REV3L: variants seen among roughly 807,000 people sequenced by gnomAD.
REV3L encodes DNA polymerase zeta catalytic subunit.
Under a neutral mutation model 299.4 loss-of-function variants are expected in REV3L, and 69 were observed. The observed-to-expected ratio is 0.23, with a 90% confidence interval of 0.19 to 0.28. REV3L has a LOEUF of 0.28. Ranked by LOEUF, REV3L falls within the 10% of genes least tolerant of loss-of-function variation. REV3L has a pLI of 1.00. For missense variants in REV3L, 3,128 were observed against 3,693.8 expected (o/e 0.85, Z 3.97); for synonymous variants, 1,238 against 1,271.4 (o/e 0.97, Z 0.56).
Position 111,373,783 on chromosome 6 carries a change from C to T in REV3L, c.4572G>A (p.Gln1524=), listed in dbSNP as rs1441856530. ...VSTPSAFGEG[Q]SGLAVLKELL... ...ATTCTTTTAGAACTGCCAGTCCAGA[C>T]TGTCCTTCACCAAATGCTGAAGGTG... is the stretch of plus-strand genomic sequence containing the variant. The change falls in exon 13 of 32, where the codon CAG becomes CAA. Residue 1524 remains glutamine (Q), a synonymous_variant. Coordinates refer to ENST00000368802, the MANE Select transcript of REV3L (RefSeq NM_001372078.1). The T allele has an allele frequency of 1.2e-6, 2 of 1,614,008 alleles. No individual in the cohort carries two copies. The highest frequency in any genetic ancestry group is 4.5e-5 in the East Asian group (2 of 44,900).
intron 1 of REV3L, among the ~76,000 whole-genome samples, chr6:111,454,404 G>A (rs1358895784): frequency 6.6e-6 from 1 of 151,642 alleles, no homozygotes; most frequent in Non-Finnish European, 1.5e-5. Flanking sequence ...TAAAATATAC[G>A]TAAAATTTAC....
intron 1 of REV3L, among the ~76,000 whole-genome samples, chr6:111,433,442 C>G (rs1323554046): frequency 1.3e-5 from 2 of 151,980 alleles, no homozygotes; most frequent in African/African-American, 4.8e-5. Flanking sequence ...GAACTATACA[C>G]CAACAAATTG....
intron 3 of REV3L, among the ~76,000 whole-genome samples, 187 bp downstream of exon 3, chr6:111,411,293 C>T (rs1784215282): frequency 6.6e-6 from 1 of 152,178 alleles, no homozygotes; most frequent in Non-Finnish European, 1.5e-5. Flanking sequence ...AGTTGGGAGC[C>T]TCCACCTCTA....
chr6:111,330,096 G>A (rs1775236999), intron 24 of REV3L, among the ~76,000 whole-genome samples: 1 of 152,050 alleles, frequency 6.6e-6, no homozygotes, highest in Admixed American at 6.5e-5. Context: ...ATGACACATG[G>A]GACTTGTATC....
At chr6:111,384,364 A>G (rs1781125847) in intron 9 of REV3L, among the ~76,000 whole-genome samples, 4 of 152,208 alleles carry the variant, frequency 2.6e-5, no homozygotes, top group African/African-American at 7.2e-5. Flanking sequence ...TCCATCTGAC[A>G]AGGGATTAAT....
chr6:111,372,929 T>C lies in REV3L; in HGVS notation c.5426A>G (p.Gln1809Arg). 3 of 1,614,136 alleles carry C rather than the reference T, an allele frequency of 1.9e-6. No homozygotes were observed. The highest frequency in any genetic ancestry group is 1.1e-5 in the South Asian group (1 of 91,082). ...IQGHTRKEMGQSLDSANTSFT... is the reference protein window; with the variant it reads ...IQGHTRKEMGRSLDSANTSFT... ...AGAGGTATTGGCTGAGTCAAGAGAC[T>C]GTCCCATTTCTTTTCTGGTGTGACC... The change falls in exon 13 of 32, where the codon CAG becomes CGG. Residue 1809 changes from glutamine (Q) to arginine (R), a missense_variant. Gln to Arg is a conservative substitution (Grantham distance 43). This residue lies in a region of REV3L where 2,409 missense variants were observed against 2,611.8 expected (regional missense o/e 0.92). Transcript: ENST00000368802.
At chr6:111,385,876 T>C (rs1288824301) in intron 9 of REV3L, among the ~76,000 whole-genome samples, 1 of 152,094 alleles carries the variant, frequency 6.6e-6, no homozygotes, top group Non-Finnish European at 1.5e-5. Flanking sequence ...AATTAGGAAA[T>C]GCAGATTAAA....
chr6:111,367,083 T>C, intron 14 of REV3L, 32 bp downstream of exon 14: 4 of 1,471,970 alleles, frequency 2.7e-6, no homozygotes, highest in Non-Finnish European at 3.7e-6. Context: ...TGAAGAACAA[T>C]TATGGAGACT....
intron 1 of REV3L, chr6:111,431,405 T>C: frequency 2.0e-6 from 2 of 983,934 alleles, no homozygotes; most frequent in Non-Finnish European, 3.3e-6. Context: ...TAACAAACTT[T>C]GGCGTTCCGG....
intron 22 of REV3L, 40 bp from the exon 23 acceptor site, chr6:111,333,407 T>C: frequency 6.2e-7 from 1 of 1,604,968 alleles, no homozygotes; most frequent in Non-Finnish European, 8.5e-7. Context: ...AGAAACACAG[T>C]TAAATATATT....
intron 24 of REV3L, 49 bp from the exon 25 acceptor site, chr6:111,329,787 T>A: frequency 7.2e-7 from 1 of 1,382,764 alleles, no homozygotes; most frequent in Non-Finnish European, 1.0e-6. Context: ...ATTATAGATT[T>A]ACATAATTAA....
At chr6:111,314,406 G>A (rs1268151617) in intron 27 of REV3L, among the ~76,000 whole-genome samples, 2 of 152,158 alleles carry the variant, frequency 1.3e-5, no homozygotes, top group African/African-American at 2.4e-5. Context: ...AGCAGCTTTT[G>A]TGTTTCTTTG....
chr6:111,414,054 T>C (rs1443355474), intron 2 of REV3L, among the ~76,000 whole-genome samples: 2 of 151,994 alleles, frequency 1.3e-5, no homozygotes, highest in Non-Finnish European at 2.9e-5. Context: ...TACATGCTAG[T>C]GCACTAGCAT....
chr6:111,453,204 C>T (rs1789758060), intron 1 of REV3L, among the ~76,000 whole-genome samples: 1 of 152,118 alleles, frequency 6.6e-6, no homozygotes, highest in Admixed American at 6.5e-5. Context: ...CCATCACACA[C>T]TCTTAGGTAA....
intron 4 of REV3L, among the ~76,000 whole-genome samples, chr6:111,398,438 A>C (rs1782753837): frequency 6.6e-6 from 1 of 152,100 alleles, no homozygotes; most frequent in Non-Finnish European, 1.5e-5. Flanking sequence ...AAAAAGAAAA[A>C]AAAAATTGTC....
chr6:111,480,519 A>G (rs1367633344), intron 1 of REV3L, among the ~76,000 whole-genome samples: 1 of 152,106 alleles, frequency 6.6e-6, no homozygotes, highest in Non-Finnish European at 1.5e-5. Flanking sequence ...AATTAATATT[A>G]ATCTCACTGG....
Position 111,363,827 on chromosome 6 carries a change from A to G in REV3L, c.6879+26T>C, listed in dbSNP as rs755343919. On this transcript the variant is annotated intron_variant, in intron 16 of 31. Coordinates refer to ENST00000368802, the MANE Select transcript of REV3L (RefSeq NM_001372078.1). The stretch of plus-strand genomic sequence containing the variant: ...ACAGGAGTTAAACTGAACACAATGT[A>G]TGTGTCCTTACTGTTGCAGTTTTAC... 2.5e-6 allele frequency: 4 copies of G among 1,608,406 alleles called. No homozygotes were observed. The South Asian group carries it at 4.5e-5, about 18-fold the overall frequency.
rs368364249 is a variant in REV3L at position 111,343,896 on chromosome 6, T to C, written c.7538+29A>G. 9.5e-5 allele frequency: 129 copies of C among 1,353,312 alleles called. No homozygotes were observed. The Admixed American group carries it at 9.6e-4, about 10-fold the overall frequency. The allele number at this position is 1,353,312 out of a possible 1,614,324, so 83.8% of individuals were successfully genotyped here. A position where few individuals can be genotyped will look rare whatever the true frequency, so the allele number is the denominator to read the frequency against. On this transcript the variant is annotated intron_variant, in intron 21 of 31. Transcript: ENST00000368802. ...ATTACATCTCAATGATGATTTTATA[T>C]TACCTTCTTCAGAGTTATAGAACAG...
At chr6:111,378,055 T>C (rs926923116) in intron 11 of REV3L, among the ~76,000 whole-genome samples, 1 of 152,254 alleles carries the variant, frequency 6.6e-6, no homozygotes, top group African/African-American at 2.4e-5. Flanking sequence ...TGTCTTACTA[T>C]AGTAACTTAC....
Sources: gnomAD v4.1 joint callset for allele counts (sites outside exome capture counted in the v4.1 genomes callset) on GRCh38, gnomAD v4.1.1 for gene constraint, gnomAD v4.1.1 regional missense constraint, MANE v1.5 for transcripts, NCBI Gene and HGNC (gene_info 2026-07-23, HGNC 2026-07-21) for gene names.